Variants in ATG2B observed in about 807,000 individuals in gnomAD.
ATG2B encodes autophagy related 2B.
ATG2B carries 121 observed loss-of-function variants against 241.3 expected under a neutral mutation model. That is an observed-to-expected ratio of 0.50 (90% CI 0.43 to 0.58). The LOEUF (loss-of-function observed/expected upper bound fraction) is 0.58. Ranked by LOEUF, ATG2B falls within the 20% of genes least tolerant of loss-of-function variation. ATG2B has a pLI of 0.00. For synonymous variants in ATG2B, 858 were observed against 876.6 expected (o/e 0.98, Z 0.37); for missense variants, 2,306 against 2,491.6 (o/e 0.93, Z 1.59).
In ATG2B at chr14:96,290,722, G is replaced by A; in HGVS notation, c.5701+92C>T. 6.5e-7 allele frequency: 1 copy of A among 1,538,082 alleles called. No individual in the cohort carries two copies. The highest frequency in any genetic ancestry group is 1.4e-5 in the African/African-American group (1 of 72,336). On this transcript the variant is annotated intron_variant, in intron 39 of 41. Transcript: ENST00000359933. The surrounding 1 kb of genome is among the most constrained non-coding windows in gnomAD (Gnocchi z 4.4). ...TATGAGTACATATGTGAGTTTTCTAGACTAATGGTCCTCACATAAGTTCTC... is the reference window on the plus strand; with the variant it reads ...TATGAGTACATATGTGAGTTTTCTAAACTAATGGTCCTCACATAAGTTCTC...
At position 96,322,568 on chromosome 14, in the gene ATG2B, G is replaced by C. The variant is rs1418912571; in HGVS notation, c.2708C>G (p.Ser903Cys). The C allele has an allele frequency of 1.9e-6, 3 of 1,612,222 alleles. No homozygotes were observed. The highest frequency in any genetic ancestry group is 2.5e-6 in the Non-Finnish European group (3 of 1,179,556). ...LRRPAPSPFS[S>C]RRVMFENEQM... ...TTCATTTTCAAACATTACTCTACGA[G>C]AAGAAAAAGGAGATGGGGCTGGTCT... Residue 903 changes from serine to cysteine, a missense_variant, in exon 17 of 42, where the codon TCT becomes TGT. By Grantham distance (112) the Ser-to-Cys change is moderately radical. This residue lies in a region of ATG2B where 1,927 missense variants were observed against 2,011.2 expected (regional missense o/e 0.96). Coordinates refer to ENST00000359933, the MANE Select transcript of ATG2B (RefSeq NM_018036.7).
At chr14:96,342,649 G>A (rs989933703) in intron 5 of ATG2B, among the ~76,000 whole-genome samples, 9 of 150,732 alleles carry the variant, frequency 6.0e-5, no homozygotes, top group African/African-American at 1.5e-4. Context: ...TTGAACCTGC[G>A]AGGTGGAGGT....
chr14:96,353,307 A>C (rs1888382143), intron 1 of ATG2B, among the ~76,000 whole-genome samples: 1 of 152,224 alleles, frequency 6.6e-6, no homozygotes, highest in Non-Finnish European at 1.5e-5. Context: ...TAAGCCCTAG[A>C]GCAACCACTA....
chr14:96,301,497 G>C (rs76201169), intron 34 of ATG2B, among the ~76,000 whole-genome samples: 3,702 of 152,266 alleles, frequency 0.024, 156 homozygotes, highest in African/African-American at 0.084. Context: ...GAATTTGATG[G>C]GATGCCTGCT....
intron 7 of ATG2B, 35 bp from the exon 8 acceptor site, chr14:96,333,908 T>A (rs771493114): frequency 6.4e-7 from 1 of 1,573,628 alleles, no homozygotes; most frequent in South Asian, 1.1e-5. Context: ...AAACAGTAAT[T>A]AAATTTGGAG....
rs777086571 is a variant in ATG2B, at chr14:96,313,042, T to C, written c.3842+23A>G. 5 of 1,433,116 alleles carry C rather than the reference T, an allele frequency of 3.5e-6. No individual in the cohort carries two copies. The Admixed American group carries it at 8.5e-5, about 24-fold the overall frequency. The allele number at this position is 1,433,116 out of a possible 1,614,324, so 88.8% of individuals were successfully genotyped here. A position where few individuals can be genotyped will look rare whatever the true frequency, so the allele number is the denominator to read the frequency against. On this transcript the variant is annotated intron_variant, in intron 25 of 41. Coordinates refer to ENST00000359933, the MANE Select transcript of ATG2B (RefSeq NM_018036.7). ...ATGTTTCGAACAGCTTTGTTTAGTA[T>C]ACAATGAAGTTTACACAGGTACCTG... is the stretch of plus-strand genomic sequence containing the variant.
chr14:96,344,591 C>T lies in ATG2B; in HGVS notation c.581+63G>A. On this transcript the variant is annotated intron_variant, in intron 4 of 41. Coordinates refer to ENST00000359933, the MANE Select transcript of ATG2B (RefSeq NM_018036.7). ...TCATTAGCTCTAATCTCCAAAACCT[C>T]CCTGAAAATGTAATATCAGAGTTAC... is the stretch of plus-strand genomic sequence containing the variant. 5.8e-6 allele frequency: 5 copies of T among 866,000 alleles called. No individual in the cohort carries two copies. The South Asian group carries it at 9.2e-5, about 16-fold the overall frequency. 53.6% of individuals were successfully genotyped at this position (866,000 alleles called of 1,614,324 possible). A position where few individuals can be genotyped will look rare whatever the true frequency, so the allele number is the denominator to read the frequency against.
chr14:96,343,955 C>A (rs1566733104), intron 4 of ATG2B, among the ~76,000 whole-genome samples: 2 of 152,218 alleles, frequency 1.3e-5, no homozygotes, highest in Non-Finnish European at 2.9e-5. Context: ...CCCAGTAGAT[C>A]CATGTACGAA....
rs1888726118 is a variant in ATG2B at position 96,363,089 on chromosome 14, C to T, written c.-113G>A. On this transcript the variant is annotated 5_prime_UTR_variant, in exon 1 of 42. The change abolishes an upstream ATG in the 5' untranslated region. Coordinates refer to ENST00000359933, the MANE Select transcript of ATG2B (RefSeq NM_018036.7). ...GGGCCTAAGCCTGGGGCGGCCCCTCCATCCCTATTTGGTGCCGGGAGTCCC... is the reference window on the plus strand; with the variant it reads ...GGGCCTAAGCCTGGGGCGGCCCCTCTATCCCTATTTGGTGCCGGGAGTCCC... The T allele has an allele frequency of 3.9e-6, 5 of 1,267,542 alleles. No homozygotes were observed. The highest frequency in any genetic ancestry group is 5.7e-6 in the Non-Finnish European group (5 of 884,224). 78.5% of individuals were successfully genotyped at this position (1,267,542 alleles called of 1,614,324 possible). A position where few individuals can be genotyped will look rare whatever the true frequency, so the allele number is the denominator to read the frequency against.
Position 96,286,984 on chromosome 14 carries a change from G to A in ATG2B, c.6007-999C>T, listed in dbSNP as rs560954389. Among the ~76,000 whole-genome samples, 16 of 152,130 alleles carry A rather than the reference G, an allele frequency of 1.1e-4. No homozygotes were observed. In the East Asian group the frequency reaches 1.9e-3, roughly 18 times the overall value. On this transcript the variant is annotated intron_variant, in intron 41 of 41. Transcript: ENST00000359933. ...AAAAGATGTCCAGAAGGCCGGGCGCGGTGGCTCACACCTGTAATCTCAGCA... is the reference window on the plus strand; with the variant it reads ...AAAAGATGTCCAGAAGGCCGGGCGCAGTGGCTCACACCTGTAATCTCAGCA...
At position 96,289,627 on chromosome 14, in the gene ATG2B, C is replaced by T. The variant is rs1886428630; in HGVS notation, c.6006+29G>A. ...AGTTGGGAAAGCGCACAGAAGGGTT[C>T]TGATGTGTCCACCCAAGTATTCAGT... On this transcript the variant is annotated intron_variant, in intron 41 of 41. Transcript: ENST00000359933. This position sits in a 1 kb window ranked among gnomAD's most constrained non-coding sequence, Gnocchi z 4.3. 3 of 1,613,030 alleles carry T rather than the reference C, an allele frequency of 1.9e-6. No individual in the cohort carries two copies. Among genetic ancestry groups the T allele is most frequent in the East Asian group, 4.5e-5 (2 of 44,884 alleles).
At chr14:96,294,532 C>G (rs536008359) in intron 36 of ATG2B, among the ~76,000 whole-genome samples, 2 of 152,044 alleles carry the variant, frequency 1.3e-5, no homozygotes, top group Non-Finnish European at 2.9e-5. Flanking sequence ...AGACACATAA[C>G]GACTGGGAAG....
In ATG2B at chr14:96,306,909, C is replaced by G. The variant is rs367689988; in HGVS notation, c.4311G>C (p.Leu1437Phe). 9 of 1,611,824 alleles carry G rather than the reference C, an allele frequency of 5.6e-6. No homozygotes were observed. Among genetic ancestry groups the G allele is most frequent in the African/African-American group, 2.7e-5 (2 of 74,778 alleles). Reference sequence around the variant, plus strand: ...GCTCCTGAATTTGAGATTTTTCATCCAAAACACCTAGATAAAAAGATTACA... The same window carrying G: ...GCTCCTGAATTTGAGATTTTTCATCGAAAACACCTAGATAAAAAGATTACA... ...SSVKPQANGVLDEKSQIQEPC... is the reference protein window; with the variant it reads ...SSVKPQANGVFDEKSQIQEPC... Residue 1437 changes from leucine (L) to phenylalanine (F), a missense_variant, in exon 30 of 42, where the codon TTG (leucine) becomes TTC (phenylalanine). Around this residue, in one of 2 missense-constraint regions of ATG2B, gnomAD observed 1,927 missense variants for 2,011.2 expected, o/e 0.96. Coordinates refer to ENST00000359933, the MANE Select transcript of ATG2B (RefSeq NM_018036.7).
chr14:96,308,103 C>T (rs1227960061), intron 29 of ATG2B, among the ~76,000 whole-genome samples: 2 of 149,062 alleles, frequency 1.3e-5, no homozygotes, highest in East Asian at 2.0e-4. Flanking sequence ...TAAATAATCA[C>T]TAAATATTCT....
intron 1 of ATG2B, among the ~76,000 whole-genome samples, chr14:96,351,437 C>T (rs1354252229): frequency 6.6e-6 from 1 of 151,988 alleles, no homozygotes; most frequent in Non-Finnish European, 1.5e-5. Flanking sequence ...CTCGTCTCTA[C>T]AAAAAATACA....
chr14:96,309,603 A>T lies in ATG2B; in HGVS notation c.4162-9T>A. 1 of 1,584,792 alleles carries T rather than the reference A, an allele frequency of 6.3e-7. No individual in the cohort carries two copies. Among genetic ancestry groups the T allele is most frequent in the Non-Finnish European group, 8.6e-7 (1 of 1,165,130 alleles). On this transcript the variant is annotated splice_polypyrimidine_tract_variant and intron_variant, in intron 28 of 41. Coordinates refer to ENST00000359933, the MANE Select transcript of ATG2B (RefSeq NM_018036.7). ...CGACCACTGGAATCTACCTATAGCC[A>T]AAAAACCTAATTAAAAATAACTGAA...
chr14:96,343,019 C>T (rs1888083225), intron 5 of ATG2B, 100 bp downstream of exon 5: 2 of 801,300 alleles, frequency 2.5e-6, no homozygotes, highest in Admixed American at 3.4e-5. Flanking sequence ...GACAGAGATT[C>T]ATTAAGACAT....
chr14:96,341,245 G>C (rs1203665569), intron 6 of ATG2B, among the ~76,000 whole-genome samples: 3 of 152,198 alleles, frequency 2.0e-5, no homozygotes, highest in African/African-American at 7.2e-5. Context: ...CAAAAAGAGA[G>C]GTTTGTCAGT....
At chr14:96,361,773 C>T (rs538105627) in intron 1 of ATG2B, among the ~76,000 whole-genome samples, 2 of 152,236 alleles carry the variant, frequency 1.3e-5, no homozygotes, top group South Asian at 2.1e-4. Flanking sequence ...TGCTCTCAAA[C>T]CAGGGCTCTT....
Sources: gnomAD v4.1 joint callset for allele counts (sites outside exome capture counted in the v4.1 genomes callset) on GRCh38, gnomAD v4.1.1 for gene constraint, gnomAD v4.1.1 regional missense constraint, Gnocchi (gnomAD v3.1) non-coding constraint, MANE v1.5 for transcripts, NCBI Gene and HGNC (gene_info 2026-07-23, HGNC 2026-07-21) for gene names.